Variants in PALLD observed in about 807,000 individuals in gnomAD.
PALLD encodes the protein palladin.
A neutral mutation model predicts 123.5 loss-of-function variants in PALLD; 61 were observed. The observed-to-expected ratio is 0.49, with a 90% CI of 0.40 to 0.61. The LOEUF (loss-of-function observed/expected upper bound fraction) is 0.61, where lower values mean the gene tolerates loss of function less well. PALLD is among the 20% of genes least tolerant of loss of function. PALLD has a pLI of 0.00. For synonymous variants in PALLD, 465 were observed against 496.4 expected (o/e 0.94, Z 0.84); for missense variants, 1,273 against 1,377.0 (o/e 0.92, Z 1.20).
chr4:168,736,944 C>T (rs117443112), intron 10 of PALLD, among the ~76,000 whole-genome samples: 320 of 152,140 alleles, frequency 2.1e-3, no homozygotes, highest in African/African-American at 6.9e-3. Flanking sequence ...AGATAGGAAA[C>T]GAGAAGCTTA....
rs532349428 is a variant in PALLD at position 168,865,129 on chromosome 4, C to G, written c.1965-25793C>G. ...CTGCTGGAAGGACTGGTGCTGCCCC[C>G]TGAGGGGAAATGGCTAGGCAGCACT... On this transcript the variant is annotated intron_variant, in intron 10 of 21. Coordinates refer to ENST00000505667, the MANE Select transcript of PALLD (RefSeq NM_001166108.2). Among the ~76,000 whole-genome samples the G allele has an allele frequency of 2.6e-5, 4 of 152,370 alleles. No individual in the cohort carries two copies. In the South Asian group the frequency reaches 8.3e-4, roughly 32 times the overall value.
At chr4:168,498,078 A>G (rs1441815905) in intron 1 of PALLD, among the ~76,000 whole-genome samples, 2 of 152,194 alleles carry the variant, frequency 1.3e-5, no homozygotes, top group Admixed American at 6.5e-5. Context: ...GTGCCTTCCA[A>G]TGTTTTTTCT....
At chr4:168,819,117 A>G (rs553384253) in intron 10 of PALLD, among the ~76,000 whole-genome samples, 7 of 152,378 alleles carry the variant, frequency 4.6e-5, no homozygotes, top group African/African-American at 1.7e-4. Flanking sequence ...AATATAAGTC[A>G]CAAAGTTTTG....
At chr4:168,716,402 T>G (rs974549327) in intron 10 of PALLD, among the ~76,000 whole-genome samples, 5 of 152,304 alleles carry the variant, frequency 3.3e-5, no homozygotes, top group South Asian at 4.1e-4. Context: ...TGTTAAGTGT[T>G]TACATGCTAA....
chr4:168,780,058 C>A (rs148497115), intron 10 of PALLD, among the ~76,000 whole-genome samples: 1 of 152,028 alleles, frequency 6.6e-6, no homozygotes, highest in African/African-American at 2.4e-5. Flanking sequence ...GCCACCATGC[C>A]CGACTAATTT....
At chr4:168,509,913 C>T (rs879927181) in intron 1 of PALLD, among the ~76,000 whole-genome samples, 6 of 152,152 alleles carry the variant, frequency 3.9e-5, no homozygotes, top group African/African-American at 1.4e-4. Context: ...ATTTCTACAA[C>T]CCCCTCGACT....
rs564650416 is a variant in PALLD, at chr4:168,921,434, CT to C, written c.2851-98del. On this transcript the variant is annotated intron_variant, in intron 17 of 21. Transcript: ENST00000505667. The stretch of plus-strand genomic sequence containing the variant: ...AAAAAAAAAAAAAAAAAAGCCACCT[CT>C]TGTACTACTGAAGGAGGAATTTATG... 3.0e-3 allele frequency: 2,006 copies of C among 661,276 alleles called. 17 individuals are homozygous for C. The highest frequency in any genetic ancestry group is 6.9e-3 in the South Asian group (420 of 60,500). The allele number at this position is 661,276 out of a possible 1,614,324, so 41.0% of individuals were successfully genotyped here. A position where few individuals can be genotyped will look rare whatever the true frequency, so the allele number is the denominator to read the frequency against.
intron 10 of PALLD, among the ~76,000 whole-genome samples, chr4:168,737,587 A>G (rs1787887038): frequency 6.6e-6 from 1 of 152,170 alleles, no homozygotes; most frequent in Non-Finnish European, 1.5e-5. Flanking sequence ...ACAAAAGCAC[A>G]CTACTTTGCT....
At chr4:168,853,773 C>T (rs1748163384) in intron 10 of PALLD, among the ~76,000 whole-genome samples, 1 of 152,042 alleles carries the variant, frequency 6.6e-6, no homozygotes, top group Non-Finnish European at 1.5e-5. Context: ...TCACTGGGGA[C>T]AGGGAAGTCA....
At chr4:168,624,590 T>C (rs1311348854) in intron 2 of PALLD, among the ~76,000 whole-genome samples, 2 of 152,120 alleles carry the variant, frequency 1.3e-5, no homozygotes, top group African/African-American at 2.4e-5. Context: ...ATACTAGACC[T>C]AATAGATAAT....
Position 168,896,594 on chromosome 4 carries a change from CA to C in PALLD, c.2249del (p.Lys750ArgfsTer16). On this transcript the variant is annotated frameshift_variant, in exon 13 of 22. Coordinates refer to ENST00000505667, the MANE Select transcript of PALLD (RefSeq NM_001166108.2). LOFTEE classifies it high-confidence loss of function. ...HASVGSPLDG[Q>X]KEYKVSSCEQ... is the part of the protein sequence containing the mutation. ...TTCTGTAGGGAGTCCTCTGGATGGTCAAAAGGTTAAGCTTTTCACCTTTCTT... is the reference window on the plus strand; with the variant it reads ...TTCTGTAGGGAGTCCTCTGGATGGTCAAAGGTTAAGCTTTTCACCTTTCTT... 1 of 1,504,790 alleles carries C rather than the reference CA, an allele frequency of 6.6e-7. No individual in the cohort carries two copies. The highest frequency in any genetic ancestry group is 8.9e-7 in the Non-Finnish European group (1 of 1,117,844). 93.2% of individuals were successfully genotyped at this position (1,504,790 alleles called of 1,614,324 possible). A position where few individuals can be genotyped will look rare whatever the true frequency, so the allele number is the denominator to read the frequency against.
intron 10 of PALLD, among the ~76,000 whole-genome samples, chr4:168,810,802 G>A (rs1266927525): frequency 4.3e-5 from 6 of 139,940 alleles, no homozygotes; most frequent in African/African-American, 1.1e-4. Context: ...GCGACAGAGC[G>A]AGACTCCGTC....
chr4:168,697,770 T>C (rs1480375534), intron 8 of PALLD, among the ~76,000 whole-genome samples: 2 of 152,190 alleles, frequency 1.3e-5, no homozygotes, highest in African/African-American at 4.8e-5. Flanking sequence ...CCTTGAGCAG[T>C]AGGATATAAG....
intron 10 of PALLD, among the ~76,000 whole-genome samples, chr4:168,834,603 G>A (rs1744849175): frequency 6.6e-6 from 1 of 152,062 alleles, no homozygotes; most frequent in African/African-American, 2.4e-5. Flanking sequence ...CAGGTGTGGT[G>A]GTGTGTGCCT....
intron 2 of PALLD, among the ~76,000 whole-genome samples, chr4:168,581,720 T>C (rs1770298843): frequency 6.6e-6 from 1 of 152,114 alleles, no homozygotes; most frequent in Non-Finnish European, 1.5e-5. Flanking sequence ...GTTGTCTCTT[T>C]ACTCTGTTGA....
At chr4:168,499,274 GGGAGGGAGGATGGGAGGGAGGAT>G (rs1761107548) in intron 1 of PALLD, among the ~76,000 whole-genome samples, 6 of 57,404 alleles carry the variant, frequency 1.0e-4, no homozygotes, top group Admixed American at 1.5e-4. Flanking sequence ...GAGGGAGGAT[GGGAGGGAGGATGGGAGGGAGGAT>G]GGGAGGGAGG....
chr4:168,660,071 T>G (rs750935824), intron 2 of PALLD, among the ~76,000 whole-genome samples: 8 of 152,212 alleles, frequency 5.3e-5, no homozygotes, highest in Non-Finnish European at 1.0e-4. Context: ...TCTTGGAGAA[T>G]CGGAGTGTTC....
intron 10 of PALLD, among the ~76,000 whole-genome samples, chr4:168,874,831 G>A (rs192580156): frequency 5.9e-5 from 9 of 152,138 alleles, no homozygotes; most frequent in African/African-American, 1.7e-4. Context: ...AGGTCTAGAC[G>A]GTCCCCTTTC....
chr4:168,784,461 G>A lies in PALLD; in HGVS notation c.1964+72538G>A, dbSNP rs139017485. 4.9e-3 allele frequency among the ~76,000 whole-genome samples: 739 copies of A among 152,346 alleles called. 8 individuals carry two copies. Among genetic ancestry groups the A allele is most frequent in the Admixed American group, 7.1e-3 (108 of 15,302 alleles). On this transcript the variant is annotated intron_variant, in intron 10 of 21. Coordinates refer to ENST00000505667, the MANE Select transcript of PALLD (RefSeq NM_001166108.2). ...TATTTTGTGGGAAAAGCTGAGGAAT[G>A]CTTTTGCACATGTTGTATTGGAGGT...
Sources: allele counts gnomAD v4.1 joint callset (sites outside exome capture counted in the v4.1 genomes callset), GRCh38; gene constraint gnomAD v4.1.1; transcripts MANE v1.5; gene names NCBI Gene and HGNC (gene_info 2026-07-23, HGNC 2026-07-21).